FLYWCH2: variants seen among roughly 807,000 people sequenced by gnomAD.
FLYWCH2 encodes FLYWCH family member 2.
Under a neutral mutation model 6.0 loss-of-function variants are expected in FLYWCH2, and 2 were observed. That is an observed-to-expected ratio of 0.33 (90% CI 0.14 to 1.04). The LOEUF is 1.04. Ranked by LOEUF, FLYWCH2 falls within the 50% of genes least tolerant of loss-of-function variation. The pLI, the probability that FLYWCH2 is intolerant of heterozygous loss-of-function variation, is 0.45. For missense variants in FLYWCH2, 192 were observed against 183.4 expected, an observed-to-expected ratio of 1.05 and a Z score of -0.27; for synonymous variants, 87 against 79.3, an observed-to-expected ratio of 1.10 and a Z score of -0.52.
chr16:2,898,878 G>A lies in FLYWCH2; in HGVS notation c.323-171G>A. The A allele has an allele frequency of 1.4e-5, 7 of 502,856 alleles. No individual in the cohort carries two copies. In the South Asian group the frequency reaches 1.8e-4, roughly 13 times the overall value. 31.1% of individuals were successfully genotyped at this position (502,856 alleles called of 1,614,324 possible). ...CAGCTTTTGTGGCCCTGGCCTGGTG[G>A]CCTTGGGAGCAGCGTCCCTGAGTGG... On this transcript the variant is annotated intron_variant, in intron 3 of 3. Coordinates refer to ENST00000396958, the MANE Select transcript of FLYWCH2 (RefSeq NM_138439.3).
intron 1 of FLYWCH2, among the ~76,000 whole-genome samples, chr16:2,884,938 G>A (rs1043266379): frequency 6.6e-6 from 1 of 151,912 alleles, no homozygotes; most frequent in Admixed American, 6.6e-5. Flanking sequence ...GGGAACTGCT[G>A]TTCATATGTT....
Position 2,896,649 on chromosome 16 carries a change from C to T in FLYWCH2, c.200C>T (p.Ser67Phe). ...AKRKGVHCVM[S>F]LGVPGPATLA... ...CGCAAGGGTGTGCACTGTGTCATGT[C>T]CCTGGGGGTGCCCGGCCCCGCCACC... Residue 67 changes from serine (S) to phenylalanine (F), a missense_variant, in exon 3 of 4, where the codon TCC (serine) becomes TTC (phenylalanine). Coordinates refer to ENST00000396958, the MANE Select transcript of FLYWCH2 (RefSeq NM_138439.3). 6.2e-7 allele frequency: 1 copy of T among 1,613,620 alleles called. No homozygotes were observed.
intron 1 of FLYWCH2, among the ~76,000 whole-genome samples, chr16:2,893,668 C>T (rs1467630781): frequency 3.0e-4 from 39 of 131,978 alleles, no homozygotes; most frequent in Non-Finnish European, 4.8e-4. Context: ...AACGGATTCT[C>T]GCTCTGTCGC....
intron 1 of FLYWCH2, among the ~76,000 whole-genome samples, chr16:2,891,540 G>C (rs901089148): frequency 6.6e-6 from 1 of 152,062 alleles, no homozygotes; most frequent in Non-Finnish European, 1.5e-5. Context: ...GAGTAGCCGG[G>C]ACTACAGGCG....
rs111514958 is a variant in FLYWCH2 at position 2,899,164 on chromosome 16, G to A, written c.*15G>A. ...AGTCCCTGTAACCTTGACAACAGGC[G>A]CATCCTCCCAGGCCACCAACCCAGC... On this transcript the variant is annotated 3_prime_UTR_variant, in exon 4 of 4. Transcript: ENST00000396958. 3.1e-5 allele frequency: 50 copies of A among 1,601,828 alleles called. No homozygotes were observed. The African/African-American group carries it at 3.4e-4, about 11-fold the overall frequency.
At chr16:2,891,847 G>A (rs1434353550) in intron 1 of FLYWCH2, among the ~76,000 whole-genome samples, 1 of 152,040 alleles carries the variant, frequency 6.6e-6, no homozygotes, top group Non-Finnish European at 1.5e-5. Flanking sequence ...ATCTCAGGTT[G>A]CTATGACCCC....
chr16:2,896,133 C>A (rs892444171), intron 2 of FLYWCH2, among the ~76,000 whole-genome samples: 11 of 152,156 alleles, frequency 7.2e-5, no homozygotes, highest in Non-Finnish European at 1.6e-4. Flanking sequence ...TACTGTGCAC[C>A]TTTTCCAGAT....
intron 1 of FLYWCH2, among the ~76,000 whole-genome samples, chr16:2,889,983 G>A (rs1373102582): frequency 1.3e-5 from 2 of 152,144 alleles, no homozygotes; most frequent in African/African-American, 2.4e-5. Flanking sequence ...TACTTGGGAA[G>A]CTGAGGTGGG....
intron 1 of FLYWCH2, among the ~76,000 whole-genome samples, chr16:2,887,342 G>A (rs8050098): frequency 7.5e-6 from 1 of 133,596 alleles, no homozygotes; most frequent in Non-Finnish European, 1.5e-5. Context: ...TGTATTTTTA[G>A]TAGAGATGAG....
At chr16:2,886,092 A>C (rs1019121862) in intron 1 of FLYWCH2, among the ~76,000 whole-genome samples, 1 of 152,154 alleles carries the variant, frequency 6.6e-6, no homozygotes, top group Non-Finnish European at 1.5e-5. Flanking sequence ...GTGACTAATG[A>C]TGTTGAGCAT....
intron 1 of FLYWCH2, among the ~76,000 whole-genome samples, chr16:2,889,241 C>T (rs1954153460): frequency 2.1e-5 from 3 of 140,644 alleles, no homozygotes; most frequent in Admixed American, 7.4e-5. Flanking sequence ...GACGGAGTCT[C>T]GCTCTGTCAC....
intron 1 of FLYWCH2, among the ~76,000 whole-genome samples, chr16:2,886,610 C>T (rs1270241396): frequency 1.4e-5 from 2 of 146,066 alleles, no homozygotes; most frequent in Non-Finnish European, 3.0e-5. Flanking sequence ...CAACCTCCGC[C>T]TCCTGGGTTC....
downstream of FLYWCH2, chr16:2,899,366 T>C: frequency 6.9e-6 from 3 of 436,614 alleles, no homozygotes; most frequent in Non-Finnish European, 1.2e-5. Flanking sequence ...GACCCCATAA[T>C]GGGCAGGTTT....
At chr16:2,890,958 A>C (rs1386008396) in intron 1 of FLYWCH2, among the ~76,000 whole-genome samples, 1 of 152,204 alleles carries the variant, frequency 6.6e-6, no homozygotes, top group East Asian at 1.9e-4. Context: ...GTGTCCGCAC[A>C]TACTGTTTAG....
At chr16:2,884,557 C>CAAAAAAAAAAAAAAA (rs2069674760) in intron 1 of FLYWCH2, among the ~76,000 whole-genome samples, 1 of 4,626 alleles carries the variant, frequency 2.2e-4, no homozygotes, top group Non-Finnish European at 7.2e-4. Context: ...CCCGTCTCTA[C>CAAAAAAAAAAAAAAA]TAAAAAAAAA....
At chr16:2,896,177 C>T (rs1034305701) in intron 2 of FLYWCH2, among the ~76,000 whole-genome samples, 175 bp from the exon 3 acceptor site, 12 of 152,150 alleles carry the variant, frequency 7.9e-5, no homozygotes, top group Non-Finnish European at 1.6e-4. Context: ...CTGACGTTCC[C>T]AAGGCTGCCA....
At chr16:2,885,411 A>G (rs1714076745) in intron 1 of FLYWCH2, among the ~76,000 whole-genome samples, 3 of 152,128 alleles carry the variant, frequency 2.0e-5, no homozygotes, top group African/African-American at 7.2e-5. Flanking sequence ...TCCTTTTAGG[A>G]CATTTTCATC....
chr16:2,894,469 G>T (rs2150849147), intron 1 of FLYWCH2, among the ~76,000 whole-genome samples: 1 of 152,272 alleles, frequency 6.6e-6, no homozygotes, highest in Middle Eastern at 3.4e-3. Flanking sequence ...GTGTGAAGCA[G>T]GGCGCTATGT....
At chr16:2,896,800 A>G in intron 3 of FLYWCH2, 29 bp downstream of exon 3, 1 of 1,591,732 alleles carries the variant, frequency 6.3e-7, no homozygotes. Flanking sequence ...CCCCCAGGAC[A>G]GCTCGGCACC....
Sources: allele counts gnomAD v4.1 joint callset (sites outside exome capture counted in the v4.1 genomes callset), GRCh38; gene constraint gnomAD v4.1.1; transcripts MANE v1.5; gene names NCBI Gene and HGNC (gene_info 2026-07-23, HGNC 2026-07-21).